TOX: variants seen among roughly 807,000 people sequenced by gnomAD.
TOX encodes the protein thymocyte selection associated high mobility group box, also known as thymocyte selection-associated high mobility group box protein TOX.
In TOX, 11 loss-of-function variants were observed where a neutral mutation model predicts 53.7. The ratio of observed to expected loss-of-function variants is 0.20; its 90% CI spans 0.13 to 0.34. The LOEUF (loss-of-function observed/expected upper bound fraction) is 0.34, where lower values mean the gene tolerates loss of function less well. Among genes scored for constraint, TOX ranks in the 10% least tolerant of loss-of-function variants. The pLI is 1.00. For missense variants in TOX, 570 were observed against 664.6 expected, an observed-to-expected ratio of 0.86 and a Z score of 1.56; for synonymous variants, 225 against 245.3, an observed-to-expected ratio of 0.92 and a Z score of 0.77.
intron 1 of TOX, among the ~76,000 whole-genome samples, chr8:58,975,931 G>A (rs1016849516): frequency 6.6e-6 from 1 of 152,158 alleles, no homozygotes; most frequent in Non-Finnish European, 1.5e-5. Context: ...AATTAGCCAG[G>A]CGTGATGGCG....
chr8:59,024,691 A>G (rs1211015714), intron 1 of TOX, among the ~76,000 whole-genome samples: 1 of 152,134 alleles, frequency 6.6e-6, no homozygotes, highest in African/African-American at 2.4e-5. Flanking sequence ...AATCTGAATT[A>G]TATCTCTTCT....
At chr8:58,962,866 G>C (rs1463813863) in intron 1 of TOX, among the ~76,000 whole-genome samples, 1 of 152,136 alleles carries the variant, frequency 6.6e-6, no homozygotes, top group East Asian at 1.9e-4. Flanking sequence ...AATTCTATAG[G>C]TCAACTTGAC....
At chr8:58,953,545 G>T (rs753220141) in intron 2 of TOX, among the ~76,000 whole-genome samples, 7 of 152,118 alleles carry the variant, frequency 4.6e-5, no homozygotes, top group Non-Finnish European at 8.8e-5. Context: ...CAGCTTGTAT[G>T]CAAGGCAACA....
intron 1 of TOX, among the ~76,000 whole-genome samples, chr8:58,962,777 G>A (rs987976052): frequency 6.6e-6 from 1 of 152,154 alleles, no homozygotes; most frequent in African/African-American, 2.4e-5. Flanking sequence ...GTGGTATTGT[G>A]AGAATTTTTT....
Position 58,889,381 on chromosome 8 carries a change from G to A in TOX, c.412-37576C>T, listed in dbSNP as rs190902742. 2.8e-4 allele frequency among the ~76,000 whole-genome samples: 42 copies of A among 152,042 alleles called. 1 individual carries two copies. The highest frequency in any genetic ancestry group is 2.1e-3 in the Admixed American group (32 of 15,234). Reference sequence around the variant, plus strand: ...GCTCCAGGAGAGAAAAGAAAGGAGCGGAGTAGTGTGTCATCTTTTGTAAAA... The same window carrying A: ...GCTCCAGGAGAGAAAAGAAAGGAGCAGAGTAGTGTGTCATCTTTTGTAAAA... On this transcript the variant is annotated intron_variant, in intron 3 of 8. Coordinates refer to ENST00000361421, the MANE Select transcript of TOX (RefSeq NM_014729.3).
intron 1 of TOX, among the ~76,000 whole-genome samples, chr8:59,063,650 C>T (rs1032918274): frequency 7.9e-5 from 12 of 151,986 alleles, no homozygotes; most frequent in African/African-American, 2.9e-4. Context: ...TCTTGATCTC[C>T]AGACCTCGTG....
chr8:58,943,389 A>C (rs1812473756), intron 2 of TOX, among the ~76,000 whole-genome samples: 1 of 152,152 alleles, frequency 6.6e-6, no homozygotes. Context: ...GAGAAGGCTT[A>C]TGTGAAGGCC....
chr8:59,072,950 G>A (rs529098394), intron 1 of TOX, among the ~76,000 whole-genome samples: 15 of 152,252 alleles, frequency 9.9e-5, no homozygotes, highest in African/African-American at 3.4e-4. Flanking sequence ...CTTGCTAAAT[G>A]TAATGAAGCT....
rs1459833519 is a variant in TOX, at chr8:58,805,958, T to G, written c.*1789A>C. ...ACACAATGCATATATTTGTATTTAG[T>G]TAAACTGCTAAATTTATTTCACATA... On this transcript the variant is annotated 3_prime_UTR_variant, in exon 9 of 9. Transcript: ENST00000361421. The G allele has an allele frequency of 6.5e-6, 1 of 152,684 alleles. No individual in the cohort carries two copies. Among genetic ancestry groups the G allele is most frequent in the Non-Finnish European group, 1.5e-5 (1 of 68,042 alleles). 9.5% of individuals were successfully genotyped at this position (152,684 alleles called of 1,614,324 possible).
chr8:58,939,275 A>T, intron 3 of TOX, 27 bp downstream of exon 3: 1 of 1,612,626 alleles, frequency 6.2e-7, no homozygotes, highest in Non-Finnish European at 8.5e-7. Context: ...CTCAGCCCCC[A>T]CCACAAACAG....
intron 1 of TOX, among the ~76,000 whole-genome samples, chr8:59,013,957 C>A (rs114854008): frequency 3.3e-5 from 5 of 152,230 alleles, no homozygotes; most frequent in African/African-American, 1.2e-4. Context: ...AAGCACCTTG[C>A]CAAATCCTGT....
At chr8:59,104,416 G>C (rs1227878896) in intron 1 of TOX, among the ~76,000 whole-genome samples, 2 of 152,094 alleles carry the variant, frequency 1.3e-5, no homozygotes, top group Non-Finnish European at 2.9e-5. Flanking sequence ...TCCATGCGTT[G>C]CCTCGTTTTC....
chr8:58,930,987 T>C (rs2129175695), intron 3 of TOX, among the ~76,000 whole-genome samples: 1 of 152,274 alleles, frequency 6.6e-6, no homozygotes, highest in Non-Finnish European at 1.5e-5. Flanking sequence ...TTCATCTTTG[T>C]TTGCTAAATA....
chr8:59,034,514 C>A (rs1207614735), intron 1 of TOX, among the ~76,000 whole-genome samples: 1 of 151,760 alleles, frequency 6.6e-6, no homozygotes, highest in Non-Finnish European at 1.5e-5. Context: ...CTTGACACAA[C>A]TTCCTATCTC....
chr8:58,851,678 G>T lies in TOX; in HGVS notation c.539C>A (p.Thr180Asn). ...QPGMMPHGQL[T>N]TINQSQLSAQ... Reference sequence around the variant, plus strand: ...ACTTAGCTGTGACTGGTTAATGGTAGTCAGCTGGCCATGTGGCATCATTCC... The same window carrying T: ...ACTTAGCTGTGACTGGTTAATGGTATTCAGCTGGCCATGTGGCATCATTCC... Residue 180 changes from threonine to asparagine, a missense_variant, in exon 4 of 9, where the codon ACT (threonine) becomes AAT (asparagine). By Grantham distance (65) the Thr-to-Asn change is moderately conservative. Transcript: ENST00000361421. This position sits in a 1 kb window ranked among gnomAD's most constrained non-coding sequence, Gnocchi z 4.4. 6.2e-7 allele frequency: 1 copy of T among 1,613,712 alleles called. No individual in the cohort carries two copies. The highest frequency in any genetic ancestry group is 8.5e-7 in the Non-Finnish European group (1 of 1,179,854).
intron 7 of TOX, among the ~76,000 whole-genome samples, 194 bp downstream of exon 7, chr8:58,815,144 C>T (rs746191290): frequency 3.3e-5 from 5 of 152,168 alleles, no homozygotes; most frequent in South Asian, 2.1e-4. Context: ...TAATGCCACA[C>T]GAACTCACCA....
chr8:59,110,841 C>A (rs757325805), intron 1 of TOX, among the ~76,000 whole-genome samples: 4 of 152,108 alleles, frequency 2.6e-5, no homozygotes, highest in Non-Finnish European at 5.9e-5. Flanking sequence ...ATCTCTTTGA[C>A]TCTCTTCCTG....
intron 3 of TOX, among the ~76,000 whole-genome samples, chr8:58,852,480 C>T (rs1810840827): frequency 6.6e-6 from 1 of 152,150 alleles, no homozygotes; most frequent in South Asian, 2.1e-4. Context: ...ATCCATTATG[C>T]TATCTGAGTC....
chr8:59,011,753 T>G (rs1813909308), intron 1 of TOX, among the ~76,000 whole-genome samples: 2 of 152,236 alleles, frequency 1.3e-5, no homozygotes, highest in South Asian at 4.2e-4. Flanking sequence ...TCTTCTGAGT[T>G]TAATGGAAGA....
Sources: gnomAD v4.1 joint callset for allele counts (sites outside exome capture counted in the v4.1 genomes callset) on GRCh38, gnomAD v4.1.1 for gene constraint, Gnocchi (gnomAD v3.1) non-coding constraint, MANE v1.5 for transcripts, NCBI Gene and HGNC (gene_info 2026-07-23, HGNC 2026-07-21) for gene names.